The following ASB3 variants were observed in gnomAD, a reference collection of about 807,000 sequenced individuals.
ASB3 encodes the protein ankyrin repeat and SOCS box protein 3.
ASB3 carries 41 observed loss-of-function variants against 54.5 expected under a neutral mutation model. The observed-to-expected ratio is 0.75, with a 90% confidence interval of 0.59 to 0.98. The LOEUF (loss-of-function observed/expected upper bound fraction) is 0.98, where lower values mean the gene tolerates loss of function less well. Ranked by LOEUF, ASB3 falls within the 50% of genes least tolerant of loss-of-function variation. The pLI is 0.00. For synonymous variants in ASB3, 266 were observed against 221.2 expected, an observed-to-expected ratio of 1.20 and a Z score of -1.80; for missense variants, 733 against 620.0, an observed-to-expected ratio of 1.18 and a Z score of -1.94.
In ASB3 at chr2:53,728,797, T is replaced by G; in HGVS notation, c.519A>C (p.Glu173Asp). 6.2e-7 allele frequency: 1 copy of G among 1,612,636 alleles called. No individual in the cohort carries two copies. The highest frequency in any genetic ancestry group is 8.5e-7 in the Non-Finnish European group (1 of 1,179,186). Reference sequence around the variant, plus strand: ...GTGTGATTCCAAAGTCATCCTGGCATTCCTTGTTTGCTCCTTTTCTAAGAA... The same window carrying G: ...GTGTGATTCCAAAGTCATCCTGGCAGTCCTTGTTTGCTCCTTTTCTAAGAA... Reference protein sequence around the residue: ...KLLLRKGANKECQDDFGITPL... With the variant: ...KLLLRKGANKDCQDDFGITPL... The change falls in exon 5 of 10, where the codon GAA becomes GAC. Residue 173 changes from glutamate (E) to aspartate (D), a missense_variant. By Grantham distance (45) the Glu-to-Asp change is conservative. Coordinates refer to ENST00000263634, the MANE Select transcript of ASB3 (RefSeq NM_016115.5).
At chr2:53,733,741 C>G (rs1201703051) in intron 3 of ASB3, among the ~76,000 whole-genome samples, 1 of 152,192 alleles carries the variant, frequency 6.6e-6, no homozygotes, top group Non-Finnish European at 1.5e-5. Context: ...TGGGGAGACC[C>G]TAACCCAGTG....
chr2:53,756,143 G>A (rs1672811584), intron 2 of ASB3, among the ~76,000 whole-genome samples: 1 of 151,978 alleles, frequency 6.6e-6, no homozygotes, highest in Non-Finnish European at 1.5e-5. Flanking sequence ...TCCAGCTTGA[G>A]CAACAGAGTA....
At chr2:53,757,523 AGT>A (rs1381980735) in intron 2 of ASB3, among the ~76,000 whole-genome samples, 1 of 152,216 alleles carries the variant, frequency 6.6e-6, no homozygotes, top group Non-Finnish European at 1.5e-5. Flanking sequence ...CTTTCTTGAA[AGT>A]GTAGCCCAAA....
At chr2:53,763,981 T>G (rs1673295628) in intron 2 of ASB3, among the ~76,000 whole-genome samples, 1 of 152,134 alleles carries the variant, frequency 6.6e-6, no homozygotes, top group African/African-American at 2.4e-5. Flanking sequence ...GCATTATGAT[T>G]TAGGAAGTTT....
chr2:53,762,884 G>A (rs1023651292), intron 2 of ASB3, among the ~76,000 whole-genome samples: 2 of 152,192 alleles, frequency 1.3e-5, no homozygotes, highest in African/African-American at 2.4e-5. Context: ...TCCAACTTGA[G>A]TCAGAAGACC....
chr2:53,761,944 T>C (rs1673170033), intron 2 of ASB3, among the ~76,000 whole-genome samples: 1 of 152,170 alleles, frequency 6.6e-6, no homozygotes, highest in Admixed American at 6.5e-5. Flanking sequence ...AGAAGAATGG[T>C]TACATAAATT....
At chr2:53,709,515 A>C (rs1023219626) in intron 7 of ASB3, among the ~76,000 whole-genome samples, 2 of 152,186 alleles carry the variant, frequency 1.3e-5, no homozygotes, top group African/African-American at 2.4e-5. Flanking sequence ...AATCTAAAGA[A>C]AGTTAGTATA....
At chr2:53,671,649 C>T (rs1047631180) in intron 9 of ASB3, among the ~76,000 whole-genome samples, 2 of 151,630 alleles carry the variant, frequency 1.3e-5, no homozygotes, top group African/African-American at 2.4e-5. Flanking sequence ...ATCCCACCTA[C>T]TAGGGAGGCT....
intron 9 of ASB3, among the ~76,000 whole-genome samples, chr2:53,693,361 T>C (rs1031902301): frequency 1.3e-5 from 2 of 152,160 alleles, no homozygotes; most frequent in Admixed American, 1.3e-4. Flanking sequence ...TCTTTTAAAA[T>C]ATCAACCAGT....
chr2:53,774,510 C>A, intron 1 of ASB3: 1 of 1,544,720 alleles, frequency 6.5e-7, no homozygotes, highest in Non-Finnish European at 8.7e-7. Context: ...GGAAACAGAA[C>A]CTCAATTGCA....
intron 3 of ASB3, among the ~76,000 whole-genome samples, chr2:53,746,908 T>C (rs1203333502): frequency 6.6e-6 from 1 of 152,134 alleles, no homozygotes; most frequent in East Asian, 1.9e-4. Flanking sequence ...AAATTTACCA[T>C]TTACAAAATG....
At chr2:53,714,172 A>T (rs1670260983) in intron 7 of ASB3, among the ~76,000 whole-genome samples, 1 of 152,172 alleles carries the variant, frequency 6.6e-6, no homozygotes, top group Non-Finnish European at 1.5e-5. Flanking sequence ...TATAATCCAG[A>T]TCCAAAGAAG....
intron 5 of ASB3, among the ~76,000 whole-genome samples, chr2:53,721,525 G>A (rs185414000): frequency 6.9e-4 from 105 of 151,806 alleles, no homozygotes; most frequent in African/African-American, 2.4e-3. Flanking sequence ...GAGCCTAGAT[G>A]GTGCCACTGC....
intron 2 of ASB3, among the ~76,000 whole-genome samples, chr2:53,757,612 C>G (rs1672907278): frequency 1.3e-5 from 2 of 152,298 alleles, no homozygotes; most frequent in South Asian, 4.1e-4. Flanking sequence ...ATTTCCTCTC[C>G]CAAGTATTAG....
At chr2:53,780,211 C>T (rs1260671032) in intron 1 of ASB3, among the ~76,000 whole-genome samples, 2 of 152,180 alleles carry the variant, frequency 1.3e-5, no homozygotes, top group African/African-American at 4.8e-5. Flanking sequence ...TGGCATTCAA[C>T]TACTTACCAT....
In ASB3 at chr2:53,693,916, G is replaced by A. The variant is rs145452596; in HGVS notation, c.1337C>T (p.Ala446Val). The A allele has an allele frequency of 1.2e-6, 2 of 1,613,532 alleles. No individual in the cohort carries two copies. The highest frequency in any genetic ancestry group is 1.7e-6 in the Non-Finnish European group (2 of 1,179,580). The change falls in exon 9 of 10, where the codon GCC becomes GTC. Residue 446 changes from alanine to valine, a missense_variant. Physicochemically the swap from Ala to Val is moderately conservative, Grantham distance 64 (BLOSUM62 0). Coordinates refer to ENST00000263634, the MANE Select transcript of ASB3 (RefSeq NM_016115.5). ...PAVERMLSARASNAWILQQHI... is the reference protein window; with the variant it reads ...PAVERMLSARVSNAWILQQHI... Reference sequence around the variant, plus strand: ...TTGCTGTAGAATCCAAGCGTTTGAGGCACGAGCAGAGAGCATCCTTTCAAC... The same window carrying A: ...TTGCTGTAGAATCCAAGCGTTTGAGACACGAGCAGAGAGCATCCTTTCAAC...
At chr2:53,694,928 A>T (rs1042375967) in intron 8 of ASB3, among the ~76,000 whole-genome samples, 1 of 152,176 alleles carries the variant, frequency 6.6e-6, no homozygotes, top group Admixed American at 6.5e-5. Flanking sequence ...CTTCAGTATT[A>T]TATTTTTAGA....
intron 9 of ASB3, among the ~76,000 whole-genome samples, chr2:53,680,625 G>A (rs1668320004): frequency 6.6e-6 from 1 of 151,438 alleles, no homozygotes; most frequent in Admixed American, 6.6e-5. Flanking sequence ...TATATTTATG[G>A]GGTACATGAG....
chr2:53,708,443 T>C (rs956325080), intron 7 of ASB3, among the ~76,000 whole-genome samples: 6 of 152,236 alleles, frequency 3.9e-5, no homozygotes, highest in African/African-American at 1.4e-4. Context: ...TATTTCTTTA[T>C]AGCAATGCAA....
Sources: gnomAD v4.1 joint callset for allele counts (sites outside exome capture counted in the v4.1 genomes callset) on GRCh38, gnomAD v4.1.1 for gene constraint, MANE v1.5 for transcripts, NCBI Gene and HGNC (gene_info 2026-07-23, HGNC 2026-07-21) for gene names.